The following NTNG1 variants were observed in gnomAD, a reference collection of about 807,000 sequenced individuals.
NTNG1 encodes the protein netrin-G1.
NTNG1 carries 16 observed loss-of-function variants against 54.0 expected under a neutral mutation model. The observed-to-expected ratio is 0.30, with a 90% CI of 0.20 to 0.45. The LOEUF (loss-of-function observed/expected upper bound fraction) is 0.45, where lower values mean the gene tolerates loss of function less well. NTNG1 is among the 20% of genes least tolerant of loss of function. The pLI is 1.00. For missense variants in NTNG1, 530 were observed against 678.7 expected (o/e 0.78, Z 2.43); for synonymous variants, 255 against 263.1 (o/e 0.97, Z 0.30).
chr1:107,480,588 C>CCACCAA, intron 7 of NTNG1, 23 bp from the exon 8 acceptor site: 1 of 1,119,762 alleles, frequency 8.9e-7, no homozygotes, highest in Non-Finnish European at 1.3e-6. Context: ...CCACCCACCC[C>CCACCAA]TACCTTCCCC....
At chr1:107,304,678 A>C (rs187025992) in intron 2 of NTNG1, among the ~76,000 whole-genome samples, 1 of 151,836 alleles carries the variant, frequency 6.6e-6, no homozygotes, top group Admixed American at 6.6e-5. Flanking sequence ...TCCTAGGGCT[A>C]ATCTCTCTCT....
intron 2 of NTNG1, among the ~76,000 whole-genome samples, chr1:107,237,314 G>A (rs1570928433): frequency 6.6e-6 from 1 of 152,308 alleles, no homozygotes; most frequent in East Asian, 1.9e-4. Context: ...TTTCTAAGCA[G>A]CAAAGCATTC....
At position 107,249,478 on chromosome 1, in the gene NTNG1, G is replaced by A. The variant is rs1414634457; in HGVS notation, c.247-74804G>A. Among the ~76,000 whole-genome samples, 8 of 46,836 alleles carry A rather than the reference G, an allele frequency of 1.7e-4. No homozygotes were observed. In the South Asian group the frequency reaches 7.8e-3, roughly 46 times the overall value. The allele number at this position is 46,836 out of a possible 152,430, so 30.7% of individuals were successfully genotyped here. On this transcript the variant is annotated intron_variant, in intron 2 of 7. Transcript: ENST00000370068. ...GCCTGGGCAACAAGAGTGAAACTCCGTCTCAAAAAAAAAAAAAAAAAAAGT... is the reference window on the plus strand; with the variant it reads ...GCCTGGGCAACAAGAGTGAAACTCCATCTCAAAAAAAAAAAAAAAAAAAGT...
chr1:107,144,467 TAGG>T (rs969248620), intron 1 of NTNG1, among the ~76,000 whole-genome samples: 2 of 152,190 alleles, frequency 1.3e-5, no homozygotes, highest in Admixed American at 6.5e-5. Context: ...CCAGCTAGAT[TAGG>T]AGATTTACTG....
chr1:107,361,781 G>T (rs562188889), intron 3 of NTNG1, among the ~76,000 whole-genome samples: 319 of 152,254 alleles, frequency 2.1e-3, no homozygotes, highest in Non-Finnish European at 3.4e-3. Flanking sequence ...CTTCTTTATG[G>T]AAGAAATGAT....
At chr1:107,393,842 T>C (rs1452434748) in intron 3 of NTNG1, among the ~76,000 whole-genome samples, 1 of 152,168 alleles carries the variant, frequency 6.6e-6, no homozygotes, top group Non-Finnish European at 1.5e-5. Flanking sequence ...AACATGGTTG[T>C]TAAGGAGTCT....
intron 3 of NTNG1, among the ~76,000 whole-genome samples, chr1:107,345,721 T>A (rs534755114): frequency 3.3e-5 from 5 of 152,104 alleles, no homozygotes; most frequent in Non-Finnish European, 5.9e-5. Context: ...CCTCAACTAA[T>A]CCCCATAAGA....
At chr1:107,237,578 T>C (rs1661496394) in intron 2 of NTNG1, among the ~76,000 whole-genome samples, 1 of 152,008 alleles carries the variant, frequency 6.6e-6, no homozygotes, top group South Asian at 2.1e-4. Flanking sequence ...TCTGAAGGCC[T>C]GGGAGAAAAA....
At chr1:107,373,458 T>G (rs1481668981) in intron 3 of NTNG1, among the ~76,000 whole-genome samples, 1 of 152,066 alleles carries the variant, frequency 6.6e-6, no homozygotes, top group Non-Finnish European at 1.5e-5. Flanking sequence ...CATTTTTGTT[T>G]TAACAATTAT....
At chr1:107,167,854 A>C (rs1655924664) in intron 2 of NTNG1, among the ~76,000 whole-genome samples, 1 of 152,022 alleles carries the variant, frequency 6.6e-6, no homozygotes, top group Admixed American at 6.6e-5. Context: ...TTGTTAGTTA[A>C]GTAAGCATTT....
At chr1:107,395,350 G>T (rs980413569) in intron 4 of NTNG1, 24 bp downstream of exon 4, 1 of 1,599,820 alleles carries the variant, frequency 6.3e-7, no homozygotes, top group Non-Finnish European at 8.6e-7. Context: ...CTTGGTAACA[G>T]CATATTCTGT....
At chr1:107,298,879 A>G (rs1666145380) in intron 2 of NTNG1, among the ~76,000 whole-genome samples, 1 of 152,304 alleles carries the variant, frequency 6.6e-6, no homozygotes, top group Non-Finnish European at 1.5e-5. Flanking sequence ...CTCTAGGAAG[A>G]TCAAGAAAAT....
chr1:107,390,216 A>T (rs1204095364), intron 3 of NTNG1, among the ~76,000 whole-genome samples: 1 of 152,144 alleles, frequency 6.6e-6, no homozygotes, highest in Non-Finnish European at 1.5e-5. Flanking sequence ...ACACTGACTA[A>T]GCAAAGACAG....
intron 1 of NTNG1, among the ~76,000 whole-genome samples, chr1:107,142,628 C>T (rs1421891601): frequency 6.6e-6 from 1 of 150,510 alleles, no homozygotes; most frequent in Non-Finnish European, 1.5e-5. Flanking sequence ...AAATAAGGCC[C>T]TGTTTTATGA....
intron 2 of NTNG1, among the ~76,000 whole-genome samples, chr1:107,150,650 AG>A (rs1654492701): frequency 6.6e-6 from 1 of 152,078 alleles, no homozygotes; most frequent in South Asian, 2.1e-4. Context: ...GATGTTTTCA[AG>A]GTGTGATTTG....
chr1:107,230,798 T>C (rs1402541453), intron 2 of NTNG1, among the ~76,000 whole-genome samples: 1 of 151,852 alleles, frequency 6.6e-6, no homozygotes, highest in Non-Finnish European at 1.5e-5. Context: ...AGCCTAGAAA[T>C]GTAGAGTAGT....
intron 2 of NTNG1, among the ~76,000 whole-genome samples, chr1:107,270,441 C>T (rs1664066441): frequency 6.6e-6 from 1 of 152,172 alleles, no homozygotes; most frequent in Non-Finnish European, 1.5e-5. Context: ...AATTGCTCAA[C>T]ATCTCTAAGA....
intron 2 of NTNG1, among the ~76,000 whole-genome samples, chr1:107,265,895 C>G (rs188797676): frequency 2.8e-4 from 43 of 152,140 alleles, no homozygotes; most frequent in African/African-American, 7.5e-4. Flanking sequence ...ATTCAATATC[C>G]AGTAATAATC....
intron 2 of NTNG1, among the ~76,000 whole-genome samples, chr1:107,310,717 G>A (rs1666958632): frequency 6.6e-6 from 1 of 152,016 alleles, no homozygotes; most frequent in Admixed American, 6.6e-5. Context: ...ATCTTGGGGG[G>A]GAAAGAACAA....
Sources: allele counts gnomAD v4.1 joint callset (sites outside exome capture counted in the v4.1 genomes callset), GRCh38; gene constraint gnomAD v4.1.1; transcripts MANE v1.5; gene names NCBI Gene and HGNC (gene_info 2026-07-23, HGNC 2026-07-21).